The following SPRYD3 variants were observed in gnomAD, a reference collection of about 807,000 sequenced individuals.
The protein encoded by SPRYD3 is SPRY domain containing 3, also known as SPRY domain-containing protein 3.
Under a neutral mutation model 50.1 loss-of-function variants are expected in SPRYD3, and 17 were observed. The ratio of observed to expected loss-of-function variants is 0.34; its 90% CI spans 0.23 to 0.51. The LOEUF is 0.51. SPRYD3 is among the 20% of genes least tolerant of loss of function. The pLI, the probability that SPRYD3 is intolerant of heterozygous loss-of-function variation, is 0.97. For synonymous variants in SPRYD3, 198 were observed against 215.5 expected, an observed-to-expected ratio of 0.92 and a Z score of 0.71; for missense variants, 401 against 591.2, an observed-to-expected ratio of 0.68 and a Z score of 3.34.
In SPRYD3 at chr12:53,074,775, A is replaced by G; in HGVS notation, c.381T>C (p.Asn127=). The G allele has an allele frequency of 6.2e-7, 1 of 1,614,220 alleles. No homozygotes were observed. The highest frequency in any genetic ancestry group is 8.5e-7 in the Non-Finnish European group (1 of 1,180,042). ...CAAACTGGCGGCCCTTGGCTCGGCCATTGTACAGCCTACAGACAGAGTAGT... is the reference window on the plus strand; with the variant it reads ...CAAACTGGCGGCCCTTGGCTCGGCCGTTGTACAGCCTACAGACAGAGTAGT... ...AYHADDGKLY[N]GRAKGRQFGS... Residue 127 remains asparagine, a synonymous_variant, in exon 5 of 11, where the codon AAT becomes AAC. Coordinates refer to ENST00000301463, the MANE Select transcript of SPRYD3 (RefSeq NM_032840.3). The surrounding 1 kb of genome is among the most constrained non-coding windows in gnomAD (Gnocchi z 4.6).
At chr12:53,068,385 C>T (rs1944525577) in intron 6 of SPRYD3, 81 bp from the exon 7 acceptor site, 1 of 1,522,662 alleles carries the variant, frequency 6.6e-7, no homozygotes, top group Non-Finnish European at 8.9e-7. Flanking sequence ...AGTCTGGGTC[C>T]CACTTTCCCA....
chr12:53,068,276 C>A lies in SPRYD3; in HGVS notation c.722G>T (p.Ser241Ile). The change falls in exon 7 of 11, where the codon AGC becomes ATC. Residue 241 changes from serine to isoleucine, a missense_variant. Coordinates refer to ENST00000301463, the MANE Select transcript of SPRYD3 (RefSeq NM_032840.3). ...CTGGGCCAGCCCCACATCCACGATG[C>A]TTTTGCCCTTCCCTAAGTACTCCAG... ...TLLEYLGKGK[S>I]IVDVGLAQAR... 1.2e-6 allele frequency: 2 copies of A among 1,614,172 alleles called. No individual in the cohort carries two copies. Among genetic ancestry groups the A allele is most frequent in the Non-Finnish European group, 1.7e-6 (2 of 1,180,034 alleles).
At chr12:53,070,993 G>A (rs528485648) in intron 6 of SPRYD3, among the ~76,000 whole-genome samples, 87 of 152,264 alleles carry the variant, frequency 5.7e-4, no homozygotes, top group African/African-American at 2.0e-3. Flanking sequence ...GCAGACCAGA[G>A]TGTGGACAGT....
At chr12:53,078,330 T>C (rs1944605108) in intron 1 of SPRYD3, among the ~76,000 whole-genome samples, 2 of 151,392 alleles carry the variant, frequency 1.3e-5, no homozygotes, top group Admixed American at 6.6e-5. Flanking sequence ...CTACTAAAAA[T>C]ACAAACAAAT....
Position 53,066,360 on chromosome 12 carries a change from T to C in SPRYD3, c.1148A>G (p.Glu383Gly), listed in dbSNP as rs1377008460. The C allele has an allele frequency of 1.2e-6, 2 of 1,612,894 alleles. No individual in the cohort carries two copies. The highest frequency in any genetic ancestry group is 1.7e-6 in the Non-Finnish European group (2 of 1,179,180). Residue 383 changes from glutamate to glycine, a missense_variant, in exon 10 of 11, where the codon GAG becomes GGG. Coordinates refer to ENST00000301463, the MANE Select transcript of SPRYD3 (RefSeq NM_032840.3). ...EEEEEEEEEEEDGEEIEPEHE... is the reference protein window; with the variant it reads ...EEEEEEEEEEGDGEEIEPEHE... The stretch of plus-strand genomic sequence containing the variant: ...CTCCGGCTCTATCTCTTCCCCATCC[T>C]CTTCCTCTTCCTCTTCCTCCTCTTC...
intron 1 of SPRYD3, chr12:53,078,259 T>C (rs1293419488): frequency 3.3e-6 from 1 of 305,456 alleles, no homozygotes; most frequent in African/African-American, 2.2e-5. Context: ...GAGGCCGAAG[T>C]GGGAGGATCA....
intron 6 of SPRYD3, among the ~76,000 whole-genome samples, chr12:53,070,547 C>T (rs1944542505): frequency 6.6e-6 from 1 of 152,182 alleles, no homozygotes; most frequent in Non-Finnish European, 1.5e-5. Context: ...TACTTAACAG[C>T]CGCTAACCTC....
In SPRYD3 at chr12:53,079,239, G is replaced by C. The variant is rs576435076; in HGVS notation, c.23+72C>G. The C allele has an allele frequency of 4.0e-6, 6 of 1,492,268 alleles. No individual in the cohort carries two copies. In the African/African-American group the frequency reaches 8.3e-5, roughly 21 times the overall value. 92.4% of individuals were successfully genotyped at this position (1,492,268 alleles called of 1,614,324 possible). A position where few individuals can be genotyped will look rare whatever the true frequency, so the allele number is the denominator to read the frequency against. On this transcript the variant is annotated intron_variant, in intron 1 of 10. Transcript: ENST00000301463. ...CCCTGGCCCCAGAGCCCCCGCCCAG[G>C]ACCCCCGCCTTCCGCTTCAGGCTCC...
intron 6 of SPRYD3, 30 bp downstream of exon 6, chr12:53,073,256 G>GCCCCCGGGGGGGGGGCCCCC: frequency 9.4e-6 from 4 of 424,132 alleles, no homozygotes; most frequent in South Asian, 4.4e-5. Flanking sequence ...CTCCGACCCA[G>GCCCCCGGGGGGGGGGCCCCC]CCCCTCCCAC....
Position 53,074,502 on chromosome 12 carries a change from G to A in SPRYD3, c.507+147C>T, listed in dbSNP as rs1187021698. ...CTTCTCCTACACGCAAGAGACTTCA[G>A]GAGAATCTGAGGCTGGACTGGAGGA... On this transcript the variant is annotated intron_variant, in intron 5 of 10. Coordinates refer to ENST00000301463, the MANE Select transcript of SPRYD3 (RefSeq NM_032840.3). This position sits in a 1 kb window ranked among gnomAD's most constrained non-coding sequence, Gnocchi z 4.6. 1 of 971,508 alleles carries A rather than the reference G, an allele frequency of 1.0e-6. No homozygotes were observed. Among genetic ancestry groups the A allele is most frequent in the Non-Finnish European group, 1.6e-6 (1 of 629,574 alleles). 60.2% of individuals were successfully genotyped at this position (971,508 alleles called of 1,614,324 possible).
At position 53,077,217 on chromosome 12, in the gene SPRYD3, C is replaced by G. The variant is rs1224004977; in HGVS notation, c.68G>C (p.Arg23Pro). The G allele has an allele frequency of 6.2e-7, 1 of 1,614,182 alleles. No individual in the cohort carries two copies. Among genetic ancestry groups the G allele is most frequent in the East Asian group, 2.2e-5 (1 of 44,870 alleles). ...NKMDDLNLHY[R>P]FLNWRRRIRE... ...GATCCGCCGGCGCCAATTCAGAAACCGGTAGTGCAGGTTGAGGTCATCCAT... is the reference window on the plus strand; with the variant it reads ...GATCCGCCGGCGCCAATTCAGAAACGGGTAGTGCAGGTTGAGGTCATCCAT... The change falls in exon 2 of 11, where the codon CGG becomes CCG. Residue 23 changes from arginine (R) to proline (P), a missense_variant. Physicochemically the swap from Arg to Pro is moderately radical, Grantham distance 103. Coordinates refer to ENST00000301463, the MANE Select transcript of SPRYD3 (RefSeq NM_032840.3).
chr12:53,068,622 C>T (rs1314744207), intron 6 of SPRYD3, among the ~76,000 whole-genome samples: 1 of 152,148 alleles, frequency 6.6e-6, no homozygotes, highest in African/African-American at 2.4e-5. Flanking sequence ...TCCTCGCCCG[C>T]TGAAAAACCC....
chr12:53,066,046 A>T (rs1944501996), intron 10 of SPRYD3, 80 bp from the exon 11 acceptor site: 4 of 1,529,484 alleles, frequency 2.6e-6, no homozygotes, highest in Non-Finnish European at 3.6e-6. Flanking sequence ...CACAGGCCTG[A>T]ACCCCAATCA....
At chr12:53,077,291 AAGC>A in intron 1 of SPRYD3, 30 bp from the exon 2 acceptor site, 1 of 1,613,402 alleles carries the variant, frequency 6.2e-7, no homozygotes, top group South Asian at 1.1e-5. Flanking sequence ...ATTGAGGAGA[AAGC>A]AGGGCCCTAG....
In SPRYD3 at chr12:53,074,815, C is replaced by T. The variant is rs374954724; in HGVS notation, c.372-31G>A. 21 of 1,610,776 alleles carry T rather than the reference C, an allele frequency of 1.3e-5. No homozygotes were observed. Among genetic ancestry groups the T allele is most frequent in the Admixed American group, 3.3e-5 (2 of 59,912 alleles). On this transcript the variant is annotated intron_variant, in intron 4 of 10. Transcript: ENST00000301463. This position sits in a 1 kb window ranked among gnomAD's most constrained non-coding sequence, Gnocchi z 4.6. ...GACAGAGTAGTACAGACACAGGACC[C>T]GAGCCTGGCCTCCCAACTTCTCCCC...
rs140420826 is a variant in SPRYD3 at position 53,079,159 on chromosome 12, T to G, written c.23+152A>C. 3,674 of 826,414 alleles carry G rather than the reference T, an allele frequency of 4.4e-3. 21 individuals carry two copies. Among genetic ancestry groups the G allele is most frequent in the South Asian group, 4.4e-3 (264 of 59,940 alleles). 51.2% of individuals were successfully genotyped at this position (826,414 alleles called of 1,614,324 possible). On this transcript the variant is annotated intron_variant, in intron 1 of 10. Transcript: ENST00000301463. Reference sequence around the variant, plus strand: ...CGCCCAGTCTCCCCAGGCCCTGCACTGGGCCGAGGGTGCAGCAACAGAAGA... The same window carrying G: ...CGCCCAGTCTCCCCAGGCCCTGCACGGGGCCGAGGGTGCAGCAACAGAAGA...
At chr12:53,067,849 C>T in intron 7 of SPRYD3, 144 bp from the exon 8 acceptor site, 1 of 806,018 alleles carries the variant, frequency 1.2e-6, no homozygotes, top group South Asian at 1.5e-5. Flanking sequence ...GGCACTGGGG[C>T]TTCAGGGGAA....
At position 53,075,023 on chromosome 12, in the gene SPRYD3, C is replaced by A. The variant is rs926308937; in HGVS notation, c.371+72G>T. 41 of 1,585,058 alleles carry A rather than the reference C, an allele frequency of 2.6e-5. 1 individual carries two copies. The African/African-American group carries it at 5.5e-4, about 21-fold the overall frequency. ...AAACACCCAATGGGAAAAGCCAGCC[C>A]AAGGTAGTTCTTCAGATCTAAGATT... On this transcript the variant is annotated intron_variant, in intron 4 of 10. Coordinates refer to ENST00000301463, the MANE Select transcript of SPRYD3 (RefSeq NM_032840.3).
At chr12:53,068,490 G>A (rs1437354475) in intron 6 of SPRYD3, among the ~76,000 whole-genome samples, 186 bp from the exon 7 acceptor site, 1 of 152,240 alleles carries the variant, frequency 6.6e-6, no homozygotes, top group Non-Finnish European at 1.5e-5. Context: ...AGGATGGGGT[G>A]GGAGGCAAAG....
Sources: gnomAD v4.1 joint callset for allele counts (sites outside exome capture counted in the v4.1 genomes callset) on GRCh38, gnomAD v4.1.1 for gene constraint, Gnocchi (gnomAD v3.1) non-coding constraint, MANE v1.5 for transcripts, NCBI Gene and HGNC (gene_info 2026-07-23, HGNC 2026-07-21) for gene names.